CPNE4: variants seen among roughly 807,000 people sequenced by gnomAD.
CPNE4 encodes copine-4.
In CPNE4, 25 loss-of-function variants were observed where a neutral mutation model predicts 67.9. That is an observed-to-expected ratio of 0.37 (90% CI 0.27 to 0.51). CPNE4 has a LOEUF of 0.51. Ranked by LOEUF, CPNE4 falls within the 20% of genes least tolerant of loss-of-function variation. CPNE4 has a pLI of 0.93. For synonymous variants in CPNE4, 242 were observed against 244.9 expected, an observed-to-expected ratio of 0.99 and a Z score of 0.11; for missense variants, 464 against 690.8, an observed-to-expected ratio of 0.67 and a Z score of 3.68.
chr3:132,006,341 G>C (rs2073605353), intron 1 of CPNE4, among the ~76,000 whole-genome samples: 1 of 152,078 alleles, frequency 6.6e-6, no homozygotes, highest in Non-Finnish European at 1.5e-5. Context: ...CTTCCTCTTA[G>C]GGTCATTGCG....
At chr3:131,661,753 A>G (rs1359871295) in intron 7 of CPNE4, among the ~76,000 whole-genome samples, 1 of 152,142 alleles carries the variant, frequency 6.6e-6, no homozygotes, top group African/African-American at 2.4e-5. Flanking sequence ...GAGCTATCCA[A>G]GGATTTTTTT....
chr3:131,952,171 C>T (rs1018703136), intron 1 of CPNE4, among the ~76,000 whole-genome samples: 2 of 148,802 alleles, frequency 1.3e-5, no homozygotes, highest in African/African-American at 5.0e-5. Context: ...CATCTCTGCC[C>T]GGCCGCCCAT....
intron 2 of CPNE4, among the ~76,000 whole-genome samples, chr3:131,764,174 A>G (rs962867118): frequency 1.3e-5 from 2 of 152,072 alleles, no homozygotes; most frequent in African/African-American, 4.8e-5. Context: ...TCTCACAACA[A>G]TGGAATATTT....
At chr3:131,673,087 C>T (rs2080465724) in intron 6 of CPNE4, among the ~76,000 whole-genome samples, 1 of 151,914 alleles carries the variant, frequency 6.6e-6, no homozygotes, top group Non-Finnish European at 1.5e-5. Context: ...ACCATTTATT[C>T]AAGAGACTAT....
At chr3:131,833,413 G>C (rs2085449529) in intron 2 of CPNE4, among the ~76,000 whole-genome samples, 3 of 152,162 alleles carry the variant, frequency 2.0e-5, no homozygotes, top group Admixed American at 1.3e-4. Flanking sequence ...TCTGCTTGGG[G>C]CTGGGAGGAG....
At chr3:131,539,643 T>C (rs1935364411) in intron 15 of CPNE4, among the ~76,000 whole-genome samples, 1 of 152,148 alleles carries the variant, frequency 6.6e-6, no homozygotes, top group Admixed American at 6.5e-5. Context: ...AGGGTAGAGG[T>C]TAGAACCTTT....
At chr3:131,888,007 C>T (rs1482217851) in intron 2 of CPNE4, among the ~76,000 whole-genome samples, 1 of 152,184 alleles carries the variant, frequency 6.6e-6, no homozygotes, top group African/African-American at 2.4e-5. Flanking sequence ...GATGCCTTCA[C>T]ACGATCTGAA....
intron 2 of CPNE4, among the ~76,000 whole-genome samples, chr3:131,853,187 A>T (rs965595144): frequency 3.3e-5 from 5 of 151,892 alleles, no homozygotes; most frequent in African/African-American, 1.2e-4. Context: ...AAAATATAGT[A>T]ATCAAAAAGT....
chr3:131,936,567 A>C (rs2071229119), intron 1 of CPNE4, among the ~76,000 whole-genome samples: 1 of 152,154 alleles, frequency 6.6e-6, no homozygotes, highest in African/African-American at 2.4e-5. Context: ...AGGAAAATCA[A>C]ACTTTTGCTC....
chr3:132,021,234 G>A (rs2073989208), intron 1 of CPNE4, among the ~76,000 whole-genome samples: 1 of 152,138 alleles, frequency 6.6e-6, no homozygotes. Context: ...TTATAAATGG[G>A]TAAATGGAAC....
intron 9 of CPNE4, among the ~76,000 whole-genome samples, chr3:131,577,978 A>G (rs1016323356): frequency 1.3e-5 from 2 of 152,150 alleles, no homozygotes; most frequent in African/African-American, 2.4e-5. Flanking sequence ...TAAGCCCTTC[A>G]TAAGTTCAAA....
At chr3:131,905,024 T>A (rs1251065161) in intron 2 of CPNE4, among the ~76,000 whole-genome samples, 29 of 152,046 alleles carry the variant, frequency 1.9e-4, no homozygotes, top group Admixed American at 1.9e-3. Context: ...ATATTGTGAG[T>A]ATTTCTTGGT....
chr3:131,899,909 G>A (rs897595899), intron 2 of CPNE4, among the ~76,000 whole-genome samples: 2 of 152,008 alleles, frequency 1.3e-5, no homozygotes, highest in Non-Finnish European at 2.9e-5. Flanking sequence ...CTGTTTTGTT[G>A]ACTTCTTCCA....
intron 2 of CPNE4, among the ~76,000 whole-genome samples, chr3:131,735,304 T>C (rs1046501943): frequency 6.6e-6 from 1 of 152,212 alleles, no homozygotes; most frequent in Non-Finnish European, 1.5e-5. Flanking sequence ...TGGGCTCACA[T>C]AGCAGAGCAT....
chr3:131,550,537 C>G (rs1201917498), intron 13 of CPNE4, among the ~76,000 whole-genome samples: 11 of 152,110 alleles, frequency 7.2e-5, no homozygotes, highest in Non-Finnish European at 1.6e-4. Flanking sequence ...CAATGTTGCA[C>G]TTGTTTCCAC....
At chr3:132,033,816 T>C (rs2074291650) in intron 1 of CPNE4, among the ~76,000 whole-genome samples, 2 of 152,148 alleles carry the variant, frequency 1.3e-5, no homozygotes, top group Admixed American at 6.5e-5. Context: ...ATTATCTCCA[T>C]TGGATTCAGC....
chr3:131,573,115 G>A (rs543753827), intron 10 of CPNE4, among the ~76,000 whole-genome samples: 1 of 152,090 alleles, frequency 6.6e-6, no homozygotes, highest in African/African-American at 2.4e-5. Flanking sequence ...AGAACACTGG[G>A]AATAGAATAC....
At chr3:131,661,120 G>T (rs939663670) in intron 7 of CPNE4, among the ~76,000 whole-genome samples, 1 of 152,208 alleles carries the variant, frequency 6.6e-6, no homozygotes. Flanking sequence ...GGGGCTCTTT[G>T]TTACTGCAGC....
At chr3:131,637,121 C>A (rs990385427) in intron 7 of CPNE4, among the ~76,000 whole-genome samples, 46 of 152,098 alleles carry the variant, frequency 3.0e-4, no homozygotes, top group Non-Finnish European at 4.7e-4. Flanking sequence ...GGTAATATGA[C>A]AAAACAAGGT....
Sources: gnomAD v4.1 joint callset for allele counts (sites outside exome capture counted in the v4.1 genomes callset) on GRCh38, gnomAD v4.1.1 for gene constraint, MANE v1.5 for transcripts, NCBI Gene and HGNC (gene_info 2026-07-23, HGNC 2026-07-21) for gene names.